CFAP46: variants seen among roughly 807,000 people sequenced by gnomAD.
CFAP46 encodes the protein cilia- and flagella-associated protein 46.
A neutral mutation model predicts 325.7 loss-of-function variants in CFAP46; 245 were observed. That is an observed-to-expected ratio of 0.75 (90% confidence interval 0.68 to 0.84). The LOEUF (loss-of-function observed/expected upper bound fraction) is 0.84. Among genes scored for constraint, CFAP46 ranks in the 40% least tolerant of loss-of-function variants. The pLI is 0.00. For synonymous variants in CFAP46, 1,523 were observed against 1,495.9 expected (o/e 1.02, Z -0.42); for missense variants, 3,346 against 3,543.0 (o/e 0.94, Z 1.41).
intron 44 of CFAP46, 91 bp from the exon 45 acceptor site, chr10:132,837,005 A>T: frequency 1.7e-5 from 17 of 1,015,592 alleles, no homozygotes; most frequent in Non-Finnish European, 2.5e-5. Context: ...ACCTCGTGGC[A>T]GAGCCACGGC....
chr10:132,899,238 G>A, intron 23 of CFAP46, 117 bp from the exon 24 acceptor site: 3 of 1,184,666 alleles, frequency 2.5e-6, no homozygotes, highest in Non-Finnish European at 3.5e-6. Flanking sequence ...GCTCCCTCCT[G>A]GGCATGTGGC....
At chr10:132,894,019 T>A (rs1000854766) in intron 24 of CFAP46, among the ~76,000 whole-genome samples, 7 of 152,046 alleles carry the variant, frequency 4.6e-5, no homozygotes, top group African/African-American at 1.5e-4. Context: ...CCCCTGTGGG[T>A]TTGCCACTGG....
chr10:132,842,180 C>T (rs370187483), intron 44 of CFAP46, among the ~76,000 whole-genome samples: 2 of 152,180 alleles, frequency 1.3e-5, no homozygotes, highest in South Asian at 2.1e-4. Context: ...ACGCAGCAGC[C>T]TAATTCTTTG....
At chr10:132,920,624 A>G (rs1202949671) in intron 13 of CFAP46, among the ~76,000 whole-genome samples, 5 of 152,182 alleles carry the variant, frequency 3.3e-5, no homozygotes, top group Non-Finnish European at 7.4e-5. Context: ...AATAATCACG[A>G]GCACCCGGAA....
intron 25 of CFAP46, among the ~76,000 whole-genome samples, chr10:132,890,088 G>A (rs1343056851): frequency 6.6e-6 from 1 of 152,212 alleles, no homozygotes; most frequent in African/African-American, 2.4e-5. Context: ...CCTGTCTGAT[G>A]TTTATTTTGG....
chr10:132,843,458 G>T (rs1008811882), intron 44 of CFAP46, among the ~76,000 whole-genome samples: 1 of 136,034 alleles, frequency 7.4e-6, no homozygotes, highest in Non-Finnish European at 1.5e-5. Flanking sequence ...CGTTCCCAGG[G>T]TGCTGTAGGG....
chr10:132,821,692 T>TGTGA (rs1847836846), intron 50 of CFAP46, among the ~76,000 whole-genome samples: 1 of 139,218 alleles, frequency 7.2e-6, no homozygotes. Context: ...ATGTGTGCTG[T>TGTGA]GTGCTGATGT....
intron 44 of CFAP46, among the ~76,000 whole-genome samples, chr10:132,838,466 G>A (rs1848301277): frequency 6.6e-6 from 1 of 152,284 alleles, no homozygotes; most frequent in South Asian, 2.1e-4. Flanking sequence ...CCGGCCACTG[G>A]CCCTCGTCCC....
At chr10:132,861,632 C>T (rs1848722398) in intron 35 of CFAP46, among the ~76,000 whole-genome samples, 1 of 152,228 alleles carries the variant, frequency 6.6e-6, no homozygotes, top group African/African-American at 2.4e-5. Flanking sequence ...AAATACAGGG[C>T]AGACTGTGCT....
At chr10:132,848,750 G>A (rs908996125) in intron 41 of CFAP46, among the ~76,000 whole-genome samples, 2 of 152,188 alleles carry the variant, frequency 1.3e-5, no homozygotes, top group South Asian at 4.1e-4. Context: ...CCCCCTCTCC[G>A]CCACAGAGAG....
intron 5 of CFAP46, 44 bp from the exon 6 acceptor site, chr10:132,937,719 T>C (rs1850031428): frequency 6.4e-7 from 1 of 1,559,482 alleles, no homozygotes; most frequent in Admixed American, 2.1e-5. Flanking sequence ...GTTGAAACTG[T>C]TTTCTCCTAT....
intron 13 of CFAP46, among the ~76,000 whole-genome samples, 158 bp downstream of exon 13, chr10:132,921,946 C>A (rs1216602887): frequency 2.0e-5 from 3 of 152,226 alleles, no homozygotes; most frequent in Non-Finnish European, 2.9e-5. Flanking sequence ...CTTTGCCAGA[C>A]CCGGCGGGCC....
intron 49 of CFAP46, 102 bp from the exon 50 acceptor site, chr10:132,833,627 G>A (rs1848188434): frequency 7.6e-7 from 1 of 1,316,698 alleles, no homozygotes; most frequent in African/African-American, 1.5e-5. Flanking sequence ...CGCTGGGAAA[G>A]GCTGGCAGCC....
intron 1 of CFAP46, 41 bp from the exon 2 acceptor site, chr10:132,942,145 C>G: frequency 6.5e-7 from 1 of 1,548,850 alleles, no homozygotes; most frequent in African/African-American, 1.4e-5. Context: ...GGTCACTGGG[C>G]TGGGAGAAGT....
rs1469655205 is a variant in CFAP46 at position 132,847,117 on chromosome 10, G to A, written c.6088-6C>T. The A allele has an allele frequency of 6.2e-7, 1 of 1,609,278 alleles. No homozygotes were observed. The highest frequency in any genetic ancestry group is 8.5e-7 in the Non-Finnish European group (1 of 1,178,296). Reference sequence around the variant, plus strand: ...TGGGCCAGAACCATCCTCCTCTGTGGGGCACAAGGCTCAGGCTCAGGCCAG... The same window carrying A: ...TGGGCCAGAACCATCCTCCTCTGTGAGGCACAAGGCTCAGGCTCAGGCCAG... On this transcript the variant is annotated splice_region_variant and splice_polypyrimidine_tract_variant and intron_variant, in intron 42 of 57. Coordinates refer to ENST00000368586, the MANE Select transcript of CFAP46 (RefSeq NM_001200049.3). This position sits in a 1 kb window ranked among gnomAD's most constrained non-coding sequence, Gnocchi z 5.2.
chr10:132,915,933 G>A lies in CFAP46; in HGVS notation c.2120+616C>T, dbSNP rs143924065. ...AAATTCTTGTCAATTAAAAAAATAA[G>A]TTAAAAATATTTAATTTTATATTAA... On this transcript the variant is annotated intron_variant, in intron 17 of 57. Coordinates refer to ENST00000368586, the MANE Select transcript of CFAP46 (RefSeq NM_001200049.3). Among the ~76,000 whole-genome samples, 638 of 152,166 alleles carry A rather than the reference G, an allele frequency of 4.2e-3. 4 individuals are homozygous for A. The highest frequency in any genetic ancestry group is 0.015 in the African/African-American group (620 of 41,486).
At chr10:132,865,514 G>A (rs1848799468) in intron 35 of CFAP46, among the ~76,000 whole-genome samples, 1 of 152,222 alleles carries the variant, frequency 6.6e-6, no homozygotes, top group Non-Finnish European at 1.5e-5. Flanking sequence ...CGGGGAGACG[G>A]GGCCTCAGCA....
At chr10:132,838,631 G>A (rs796539453) in intron 44 of CFAP46, among the ~76,000 whole-genome samples, 62 of 152,390 alleles carry the variant, frequency 4.1e-4, no homozygotes, top group African/African-American at 1.3e-3. Context: ...ATGCCACAGC[G>A]TCTTCATCCG....
Position 132,867,427 on chromosome 10 carries a change from T to C in CFAP46, c.4691A>G (p.Gln1564Arg), listed in dbSNP as rs1318629496. ...CTCCCCAGGCTGGACAGGAAGTGTCTGCTCATTCAGTGCTGGCAGGCTTTC... is the reference window on the plus strand; with the variant it reads ...CTCCCCAGGCTGGACAGGAAGTGTCCGCTCATTCAGTGCTGGCAGGCTTTC... ...LEESLPALNE[Q>R]TLPVQPGEIK... Residue 1564 changes from glutamine (Q) to arginine (R), a missense_variant, in exon 34 of 58, where the codon CAG (glutamine) becomes CGG (arginine). Transcript: ENST00000368586. 1 of 1,550,610 alleles carries C rather than the reference T, an allele frequency of 6.4e-7. No homozygotes were observed. The highest frequency in any genetic ancestry group is 8.7e-7 in the Non-Finnish European group (1 of 1,146,994).
Sources: gnomAD v4.1 joint callset for allele counts (sites outside exome capture counted in the v4.1 genomes callset) on GRCh38, gnomAD v4.1.1 for gene constraint, Gnocchi (gnomAD v3.1) non-coding constraint, MANE v1.5 for transcripts, NCBI Gene and HGNC (gene_info 2026-07-23, HGNC 2026-07-21) for gene names.